The following USP7 variants were observed in gnomAD, a reference collection of about 807,000 sequenced individuals.
USP7 encodes ubiquitin C-terminal hydrolase 7.
Under a neutral mutation model 162.9 loss-of-function variants are expected in USP7, and 9 were observed. The observed-to-expected ratio is 0.06, with a 90% CI of 0.03 to 0.10. The LOEUF is 0.10. Among genes scored for constraint, USP7 ranks in the 10% least tolerant of loss-of-function variants. The pLI is 1.00. For missense variants in USP7, 715 were observed against 1,373.7 expected (o/e 0.52, Z 7.58); for synonymous variants, 562 against 475.9 (o/e 1.18, Z -2.35).
chr16:8,917,681 A>AC (rs1596375061), intron 6 of USP7, among the ~76,000 whole-genome samples: 2 of 151,954 alleles, frequency 1.3e-5, no homozygotes, highest in East Asian at 3.9e-4. Context: ...ACCCAGCCTC[A>AC]CCCATATGTT....
intron 1 of USP7, among the ~76,000 whole-genome samples, chr16:8,943,676 T>TG (rs1247168146): frequency 1.3e-5 from 2 of 152,230 alleles, no homozygotes; most frequent in African/African-American, 4.8e-5. Context: ...TAGAGTCGAA[T>TG]GGCTGGCGGG....
rs79792761 is a variant in USP7 at position 8,900,043 on chromosome 16, C to A, written c.2310-286G>T. The stretch of plus-strand genomic sequence containing the variant: ...CAGCACCTGCTCTCCTCTACAGGAG[C>A]AGACCCAGACGCAGTGTCTTGCCCA... On this transcript the variant is annotated intron_variant, in intron 21 of 30. Transcript: ENST00000344836. The A allele has an allele frequency of 8.4e-3, 4,069 of 484,366 alleles. 21 individuals are homozygous for A. The highest frequency in any genetic ancestry group is 0.012 in the Non-Finnish European group (3,273 of 271,992). 30.0% of individuals were successfully genotyped at this position (484,366 alleles called of 1,614,324 possible).
At chr16:8,937,057 T>C (rs1315852522) in intron 1 of USP7, among the ~76,000 whole-genome samples, 1 of 152,092 alleles carries the variant, frequency 6.6e-6, no homozygotes, top group Admixed American at 6.6e-5. Flanking sequence ...AAAGGCAAAG[T>C]ACAATGCCCT....
intron 2 of USP7, among the ~76,000 whole-genome samples, chr16:8,924,958 G>C (rs1897909256): frequency 6.6e-6 from 1 of 152,150 alleles, no homozygotes; most frequent in Non-Finnish European, 1.5e-5. Flanking sequence ...CTCTTCAAGT[G>C]GTATTCCCCT....
Position 8,938,917 on chromosome 16 carries a change from G to T in USP7, c.80-8520C>A, listed in dbSNP as rs76395097. On this transcript the variant is annotated intron_variant, in intron 1 of 30. Coordinates refer to ENST00000344836, the MANE Select transcript of USP7 (RefSeq NM_003470.3). The stretch of plus-strand genomic sequence containing the variant: ...CAAATACTACACTGTTTTGTATGAG[G>T]AAGACTTGAGCATCTGTGGATTTTG... Among the ~76,000 whole-genome samples, 1,288 of 152,234 alleles carry T rather than the reference G, an allele frequency of 8.5e-3. 5 individuals carry two copies. The highest frequency in any genetic ancestry group is 0.013 in the Non-Finnish European group (917 of 68,008).
rs146496797 is a variant in USP7 at position 8,916,227 on chromosome 16, A to G, written c.906+275T>C. Among the ~76,000 whole-genome samples, 8 of 152,322 alleles carry G rather than the reference A, an allele frequency of 5.3e-5. No homozygotes were observed. The East Asian group carries it at 1.5e-3, about 29-fold the overall frequency. On this transcript the variant is annotated intron_variant, in intron 8 of 30. Transcript: ENST00000344836. ...AAGCCAGTCTTTGGTTTCTGGATTA[A>G]TAACTCCTGTATATATACCAATTTA...
At chr16:8,948,233 G>A (rs1045334317) in intron 1 of USP7, among the ~76,000 whole-genome samples, 4 of 152,316 alleles carry the variant, frequency 2.6e-5, no homozygotes, top group South Asian at 2.1e-4. Flanking sequence ...CCAGGCTGGA[G>A]AATGAGTGGC....
chr16:8,941,706 G>A (rs918177924), intron 1 of USP7, among the ~76,000 whole-genome samples: 1 of 152,180 alleles, frequency 6.6e-6, no homozygotes, highest in Non-Finnish European at 1.5e-5. Context: ...GAGGGGACGG[G>A]CAGAGCCAGG....
intron 10 of USP7, among the ~76,000 whole-genome samples, chr16:8,912,093 G>A (rs1338069894): frequency 6.6e-6 from 1 of 152,132 alleles, no homozygotes; most frequent in Non-Finnish European, 1.5e-5. Context: ...CAAAGGTTAG[G>A]AATATCTAAC....
chr16:8,923,310 T>A lies in USP7; in HGVS notation c.288A>T (p.Pro96=), dbSNP rs773674539. 6.2e-7 allele frequency: 1 copy of A among 1,614,154 alleles called. No individual in the cohort carries two copies. The highest frequency in any genetic ancestry group is 8.5e-7 in the Non-Finnish European group (1 of 1,180,056). Residue 96 remains proline (P), a synonymous_variant, in exon 3 of 31, where the codon CCA becomes CCT. Coordinates refer to ENST00000344836, the MANE Select transcript of USP7 (RefSeq NM_003470.3). ...AGCGTGGCATCACCATAATCTTCCA[T>A]GGCAGATTTCGCACAAAACACGGAG... The part of the protein sequence containing the change: ...LSPPCFVRNL[P]WKIMVMPRFY...
At chr16:8,896,881 G>C (rs2061689299) in intron 26 of USP7, 118 bp downstream of exon 26, 1 of 787,684 alleles carries the variant, frequency 1.3e-6, no homozygotes, top group Admixed American at 1.8e-5. Context: ...ACCCCACTGA[G>C]TCTGGGAATG....
At chr16:8,900,195 C>T in intron 21 of USP7, 1 of 323,826 alleles carries the variant, frequency 3.1e-6, no homozygotes, top group South Asian at 4.2e-5. Flanking sequence ...TACATGAAGA[C>T]AGACTGAAAT....
intron 18 of USP7, among the ~76,000 whole-genome samples, chr16:8,901,760 A>G (rs1213340626): frequency 6.6e-6 from 1 of 152,112 alleles, no homozygotes; most frequent in African/African-American, 2.4e-5. Flanking sequence ...CGCCTGAGAT[A>G]TTGCCTATGT....
rs778846826 is a variant in USP7 at position 8,921,121 on chromosome 16, GC to G, written c.522+35del. 4 of 1,605,742 alleles carry G rather than the reference GC, an allele frequency of 2.5e-6. No individual in the cohort carries two copies. The Admixed American group carries it at 6.7e-5, about 27-fold the overall frequency. ...AGTTAAGGGAACAACAAGCAGTAAT[GC>G]ACCAATTGTTCAGACTAAATACACT... is the stretch of plus-strand genomic sequence containing the variant. On this transcript the variant is annotated intron_variant, in intron 4 of 30. Coordinates refer to ENST00000344836, the MANE Select transcript of USP7 (RefSeq NM_003470.3).
Position 8,893,854 on chromosome 16 carries a change from T to C in USP7, c.*144A>G, listed in dbSNP as rs1363625748. The C allele has an allele frequency of 1.4e-6, 1 of 702,684 alleles. No homozygotes were observed. Among genetic ancestry groups the C allele is most frequent in the African/African-American group, 1.8e-5 (1 of 56,222 alleles). 43.5% of individuals were successfully genotyped at this position (702,684 alleles called of 1,614,324 possible). Reference sequence around the variant, plus strand: ...GTCAATAGATACAGAGAAGCCAAACTGAACAGCCTCAATAAAATAAAATTA... The same window carrying C: ...GTCAATAGATACAGAGAAGCCAAACCGAACAGCCTCAATAAAATAAAATTA... On this transcript the variant is annotated 3_prime_UTR_variant, in exon 31 of 31. Coordinates refer to ENST00000344836, the MANE Select transcript of USP7 (RefSeq NM_003470.3).
intron 1 of USP7, among the ~76,000 whole-genome samples, chr16:8,955,713 A>AAC (rs1277158661): frequency 6.6e-6 from 1 of 151,320 alleles, no homozygotes; most frequent in Non-Finnish European, 1.5e-5. Context: ...TCAAAAAAAA[A>AAC]AAAAAAAAAA....
At chr16:8,961,130 G>A (rs572834335) in intron 1 of USP7, among the ~76,000 whole-genome samples, 1 of 152,244 alleles carries the variant, frequency 6.6e-6, no homozygotes, top group South Asian at 2.1e-4. Flanking sequence ...TATGAGAAAA[G>A]AAAGTAGCCT....
chr16:8,922,991 C>T (rs1897783542), intron 3 of USP7, among the ~76,000 whole-genome samples: 1 of 152,230 alleles, frequency 6.6e-6, no homozygotes, highest in African/African-American at 2.4e-5. Context: ...GCCCTGATTC[C>T]ATGGGCTGGT....
chr16:8,959,370 AG>A (rs1410823386), intron 1 of USP7, among the ~76,000 whole-genome samples: 1 of 149,896 alleles, frequency 6.7e-6, no homozygotes, highest in African/African-American at 2.5e-5. Context: ...AAAAAAAAAA[AG>A]GATACCTTCT....
Sources: gnomAD v4.1 joint callset for allele counts (sites outside exome capture counted in the v4.1 genomes callset) on GRCh38, gnomAD v4.1.1 for gene constraint, MANE v1.5 for transcripts, NCBI Gene and HGNC (gene_info 2026-07-23, HGNC 2026-07-21) for gene names.